Variants in ESPL1 observed in about 807,000 individuals in gnomAD.
ESPL1 encodes separin.
ESPL1 carries 50 observed loss-of-function variants against 217.2 expected under a neutral mutation model. That is an observed-to-expected ratio of 0.23 (90% CI 0.18 to 0.29). ESPL1 has a LOEUF of 0.29. Ranked by LOEUF, ESPL1 falls within the 10% of genes least tolerant of loss-of-function variation. The pLI is 1.00. For synonymous variants in ESPL1, 994 were observed against 1,081.3 expected, an observed-to-expected ratio of 0.92 and a Z score of 1.58; for missense variants, 1,834 against 2,603.0, an observed-to-expected ratio of 0.70 and a Z score of 6.43.
At chr12:53,288,998 G>T in intron 20 of ESPL1, 92 bp from the exon 21 acceptor site, 1 of 1,032,300 alleles carries the variant, frequency 9.7e-7, no homozygotes, top group East Asian at 2.4e-5. Flanking sequence ...TGCCATGTGG[G>T]AGATGAGATA....
rs766924139 is a variant in ESPL1 at position 53,270,487 on chromosome 12, T to C, written c.1248+5T>C. 1 of 1,604,332 alleles carries C rather than the reference T, an allele frequency of 6.2e-7. No individual in the cohort carries two copies. The highest frequency in any genetic ancestry group is 8.5e-7 in the Non-Finnish European group (1 of 1,171,046). ...GACTTTGCCCAAGGCTGTCAGGTAC[T>C]GTCTGGGAATCAAGGTACCTGGACT... On this transcript the variant is annotated splice_donor_5th_base_variant and intron_variant, in intron 4 of 30. Coordinates refer to ENST00000257934, the MANE Select transcript of ESPL1 (RefSeq NM_012291.5).
intron 6 of ESPL1, among the ~76,000 whole-genome samples, 175 bp downstream of exon 6, chr12:53,273,032 CAT>C (rs1943704004): frequency 6.9e-6 from 1 of 144,356 alleles, no homozygotes. Flanking sequence ...ACTGTTGACT[CAT>C]TTTTTTTTTT....
chr12:53,275,066 G>A, intron 7 of ESPL1, 56 bp downstream of exon 7: 1 of 1,389,046 alleles, frequency 7.2e-7, no homozygotes, highest in Non-Finnish European at 9.6e-7. Context: ...ACTTTGGGAA[G>A]CCGAGGCGGG....
chr12:53,270,164 G>A, intron 3 of ESPL1, 79 bp downstream of exon 3: 1 of 1,298,372 alleles, frequency 7.7e-7, no homozygotes, highest in South Asian at 1.4e-5. Context: ...GCAAGATCTG[G>A]AGGTCCTGGC....
At position 53,282,414 on chromosome 12, in the gene ESPL1, T is replaced by G; in HGVS notation, c.2770T>G (p.Trp924Gly). Residue 924 changes from tryptophan (W) to glycine (G), a missense_variant, in exon 14 of 31, where the codon TGG becomes GGG. By Grantham distance (184) the Trp-to-Gly change is radical. Around this residue, in one of 5 missense-constraint regions of ESPL1, gnomAD observed 107 missense variants for 171.7 expected, o/e 0.62. Transcript: ENST00000257934. This position sits in a 1 kb window ranked among gnomAD's most constrained non-coding sequence, Gnocchi z 4.0. ...GTCAAACAACCTCTCACACTCCCTG[T>G]GGGAGCAGCTCTGTGCCCAAGGTGA... ...LPSNNLSHSL[W>G]EQLCAQGWQT... 6.2e-7 allele frequency: 1 copy of G among 1,614,134 alleles called. No individual in the cohort carries two copies. Among genetic ancestry groups the G allele is most frequent in the Non-Finnish European group, 8.5e-7 (1 of 1,180,008 alleles).
At chr12:53,277,039 G>C in intron 8 of ESPL1, 44 bp from the exon 9 acceptor site, 1 of 1,599,728 alleles carries the variant, frequency 6.3e-7, no homozygotes, top group Non-Finnish European at 8.5e-7. Context: ...CGCTATGGCA[G>C]ATACTCATAG....
At chr12:53,278,890 G>A (rs943168087) in intron 11 of ESPL1, among the ~76,000 whole-genome samples, 1 of 149,966 alleles carries the variant, frequency 6.7e-6, no homozygotes, top group East Asian at 2.0e-4. Flanking sequence ...CCAGCTTTCC[G>A]CCCCGCCCCC....
chr12:53,291,348 T>C (rs1259124940), intron 25 of ESPL1, among the ~76,000 whole-genome samples: 1 of 147,756 alleles, frequency 6.8e-6, no homozygotes, highest in East Asian at 2.0e-4. Context: ...ATCCCAGCAC[T>C]TTGGGAGGCC....
chr12:53,277,838 G>C lies in ESPL1; in HGVS notation c.2242G>C (p.Asp748His). ...AADAAQSKCL[D>H]QALALWKELL... ...CTTAACAGCTCAGTCCAAATGCCTG[G>C]ACCAAGCCCTGGCCCTGTGGAAGGA... is the stretch of plus-strand genomic sequence containing the variant. The change falls in exon 11 of 31, where the codon GAC becomes CAC. Residue 748 changes from aspartate to histidine, a missense_variant. Coordinates refer to ENST00000257934, the MANE Select transcript of ESPL1 (RefSeq NM_012291.5). The C allele has an allele frequency of 6.2e-7, 1 of 1,614,160 alleles. No homozygotes were observed. Among genetic ancestry groups the C allele is most frequent in the South Asian group, 1.1e-5 (1 of 91,086 alleles).
intron 20 of ESPL1, 57 bp from the exon 21 acceptor site, chr12:53,289,033 C>T: frequency 2.9e-6 from 4 of 1,369,578 alleles, no homozygotes; most frequent in Non-Finnish European, 4.2e-6. Flanking sequence ...TTGGAAAGTT[C>T]CTATCAACTA....
At chr12:53,285,803 C>CAT (rs1235346676) in intron 17 of ESPL1, 121 bp from the exon 18 acceptor site, 53 of 667,596 alleles carry the variant, frequency 7.9e-5, no homozygotes, top group Admixed American at 3.3e-4. Context: ...TATATACACA[C>CAT]ATATATATAC....
At position 53,293,201 on chromosome 12, in the gene ESPL1, C is replaced by T. The variant is rs1374608558; in HGVS notation, c.6162-72C>T. The T allele has an allele frequency of 1.5e-6, 2 of 1,325,108 alleles. No individual in the cohort carries two copies. The highest frequency in any genetic ancestry group is 2.2e-6 in the Non-Finnish European group (2 of 920,898). 82.1% of individuals were successfully genotyped at this position (1,325,108 alleles called of 1,614,324 possible). ...AATCCTCTCCACTCACCCACCCCCA[C>T]CACCAATGGTGTTTTCCTATGTATT... is the stretch of plus-strand genomic sequence containing the variant. On this transcript the variant is annotated intron_variant, in intron 30 of 30. Transcript: ENST00000257934. This position sits in a 1 kb window ranked among gnomAD's most constrained non-coding sequence, Gnocchi z 4.2.
At chr12:53,287,060 A>C in intron 18 of ESPL1, 148 bp downstream of exon 18, 2 of 768,426 alleles carry the variant, frequency 2.6e-6, no homozygotes, top group East Asian at 2.7e-5. Flanking sequence ...GTACCCCAAT[A>C]TCTTGCTTTT....
chr12:53,281,134 C>CT (rs71068103), intron 12 of ESPL1, among the ~76,000 whole-genome samples: 1,434 of 72,436 alleles, frequency 0.02, 64 homozygotes, highest in South Asian at 0.072. Context: ...CTTTACTCCA[C>CT]TTTTTTTTTT....
chr12:53,276,604 G>A lies in ESPL1; in HGVS notation c.1701-16G>A. The A allele has an allele frequency of 6.3e-7, 1 of 1,594,946 alleles. No homozygotes were observed. Among genetic ancestry groups the A allele is most frequent in the South Asian group, 1.1e-5 (1 of 88,896 alleles). On this transcript the variant is annotated splice_polypyrimidine_tract_variant and intron_variant, in intron 7 of 30. Coordinates refer to ENST00000257934, the MANE Select transcript of ESPL1 (RefSeq NM_012291.5). ...CTCCTGGGTTCCACCCTGGTGCTGA[G>A]CATGCCCTCTCTCAGGACTCTGCGA...
rs1406803952 is a variant in ESPL1 at position 53,289,485 on chromosome 12, C to T, written c.5004C>T (p.Val1668=). The T allele has an allele frequency of 2.5e-6, 4 of 1,613,974 alleles. No homozygotes were observed. The highest frequency in any genetic ancestry group is 1.6e-4 in the Middle Eastern group (1 of 6,062). The change falls in exon 22 of 31, where the codon GTC becomes GTT. Residue 1668 remains valine, a synonymous_variant. Transcript: ENST00000257934. ...GLSLQEMPGD[V]PLARIQRLFS... Reference sequence around the variant, plus strand: ...GCCTTCAGGAGATGCCTGGAGATGTCCCCCTGGCCCGCATCCAGCGCCTCT... The same window carrying T: ...GCCTTCAGGAGATGCCTGGAGATGTTCCCCTGGCCCGCATCCAGCGCCTCT...
chr12:53,290,030 A>G, intron 22 of ESPL1, 55 bp from the exon 23 acceptor site: 1 of 1,585,446 alleles, frequency 6.3e-7, no homozygotes, highest in Non-Finnish European at 8.6e-7. Flanking sequence ...TGCCCAAGAC[A>G]GGGAAGGGAA....
At position 53,269,217 on chromosome 12, in the gene ESPL1, G is replaced by C. The variant is rs754877747; in HGVS notation, c.275G>C (p.Arg92Pro). The C allele has an allele frequency of 3.1e-5, 50 of 1,614,046 alleles. No homozygotes were observed. Among genetic ancestry groups the C allele is most frequent in the Non-Finnish European group, 4.2e-5 (49 of 1,180,026 alleles). ...CDGYLVSTPQ[R>P]PPLYLERILF... ...GGCTACTTAGTGTCTACCCCACAGC[G>C]TCCTCCCCTCTACCTGGAACGAATT... The change falls in exon 3 of 31, where the codon CGT becomes CCT. Residue 92 changes from arginine to proline, a missense_variant. Arg to Pro is a moderately radical substitution (Grantham distance 103). Transcript: ENST00000257934. The surrounding 1 kb of genome is among the most constrained non-coding windows in gnomAD (Gnocchi z 6.7).
chr12:53,289,344 T>C, intron 21 of ESPL1, 41 bp downstream of exon 21: 1 of 1,610,734 alleles, frequency 6.2e-7, no homozygotes, highest in Non-Finnish European at 8.5e-7. Flanking sequence ...TGGGGCAGAC[T>C]AGAGAGAAGG....
Sources: allele counts gnomAD v4.1 joint callset (sites outside exome capture counted in the v4.1 genomes callset), GRCh38; gene constraint gnomAD v4.1.1; regional missense constraint gnomAD v4.1.1; non-coding constraint Gnocchi (gnomAD v3.1); transcripts MANE v1.5; gene names NCBI Gene and HGNC (gene_info 2026-07-23, HGNC 2026-07-21).